The following PCDH15 variants were observed in gnomAD, a reference collection of about 807,000 sequenced individuals.
PCDH15 encodes protocadherin related 15.
In PCDH15, 129 loss-of-function variants were observed where a neutral mutation model predicts 178.5. The observed-to-expected ratio is 0.72, with a 90% CI of 0.63 to 0.84. PCDH15 has a LOEUF of 0.84. Among genes scored for constraint, PCDH15 ranks in the 40% least tolerant of loss-of-function variants. The pLI, the probability that PCDH15 is intolerant of heterozygous loss-of-function variation, is 0.00. For missense variants in PCDH15, 2,230 were observed against 2,099.9 expected, an observed-to-expected ratio of 1.06 and a Z score of -1.21; for synonymous variants, 800 against 732.0, an observed-to-expected ratio of 1.09 and a Z score of -1.50.
chr10:54,576,959 C>G lies in PCDH15; in HGVS notation c.92-49082G>C, dbSNP rs1007508457. On this transcript the variant is annotated intron_variant, in intron 2 of 37. Transcript: ENST00000644397. ...AAGACCACCAAGTTATTTTTTTTTA[C>G]TGGAAGTCTTTATGCAAAGATAGAG... is the stretch of plus-strand genomic sequence containing the variant. Among the ~76,000 whole-genome samples the G allele has an allele frequency of 2.6e-5, 4 of 151,588 alleles. No individual in the cohort carries two copies. In the East Asian group the frequency reaches 7.8e-4, roughly 29 times the overall value.
At chr10:55,469,485 A>G (rs1219352293) in intron 2 of PCDH15, among the ~76,000 whole-genome samples, 1 of 152,102 alleles carries the variant, frequency 6.6e-6, no homozygotes, top group Non-Finnish European at 1.5e-5. Flanking sequence ...CCTTGCCAGT[A>G]TGTTAGAATT....
chr10:54,797,873 G>A (rs568575072), intron 1 of PCDH15, among the ~76,000 whole-genome samples: 13 of 152,006 alleles, frequency 8.6e-5, no homozygotes, highest in Non-Finnish European at 1.3e-4. Context: ...AGTCATACTC[G>A]TCTACATATT....
At chr10:54,392,075 T>C (rs185295102) in intron 3 of PCDH15, among the ~76,000 whole-genome samples, 3 of 152,290 alleles carry the variant, frequency 2.0e-5, no homozygotes, top group Non-Finnish European at 2.9e-5. Flanking sequence ...CTTTTAGTTA[T>C]ATAATTTGCT....
intron 2 of PCDH15, among the ~76,000 whole-genome samples, chr10:55,423,305 C>T (rs548851768): frequency 2.2e-4 from 33 of 151,874 alleles, no homozygotes; most frequent in Middle Eastern, 3.4e-3. Context: ...CAGAATTCCT[C>T]GAAGTAGGAT....
intron 2 of PCDH15, among the ~76,000 whole-genome samples, chr10:55,038,628 A>C (rs1336407355): frequency 2.0e-5 from 3 of 152,208 alleles, no homozygotes; most frequent in African/African-American, 7.2e-5. Flanking sequence ...TAACCATTTG[A>C]GTTATCAAGA....
intron 18 of PCDH15, among the ~76,000 whole-genome samples, chr10:54,039,859 C>T (rs10825205): frequency 0.6 from 90,597 of 151,628 alleles, 29,777 homozygotes; most frequent in Middle Eastern, 0.76. Context: ...AGTTTTCAAA[C>T]CTGCTGAAGA....
intron 2 of PCDH15, among the ~76,000 whole-genome samples, chr10:55,510,549 A>G (rs1423926819): frequency 6.6e-6 from 1 of 151,998 alleles, no homozygotes; most frequent in Non-Finnish European, 1.5e-5. Context: ...CCATCTTCTT[A>G]CTGGAAGATT....
intron 27 of PCDH15, among the ~76,000 whole-genome samples, chr10:53,865,642 T>C (rs568680307): frequency 8.5e-4 from 129 of 152,312 alleles, no homozygotes; most frequent in African/African-American, 2.8e-3. Flanking sequence ...AGAGTGGCCT[T>C]CATTTACTCT....
At chr10:55,109,721 T>G (rs2132054571) in intron 2 of PCDH15, among the ~76,000 whole-genome samples, 1 of 152,172 alleles carries the variant, frequency 6.6e-6, no homozygotes, top group African/African-American at 2.4e-5. Flanking sequence ...TATGTTGAAG[T>G]TACTCCTATT....
intron 3 of PCDH15, among the ~76,000 whole-genome samples, chr10:54,394,695 T>C (rs1259787227): frequency 6.6e-6 from 1 of 152,094 alleles, no homozygotes; most frequent in African/African-American, 2.4e-5. Flanking sequence ...CTGACCAAAA[T>C]TTATTAGGCA....
chr10:54,002,147 T>TAC (rs930245066), intron 20 of PCDH15, among the ~76,000 whole-genome samples: 1 of 151,142 alleles, frequency 6.6e-6, no homozygotes, highest in Non-Finnish European at 1.5e-5. Context: ...TATATACACA[T>TAC]ACACACACAC....
In PCDH15 at chr10:54,752,497, AACAAAAAAC is replaced by A. The variant is rs1566127700; in HGVS notation, c.-29+48419_-29+48427del. ...GTCTCAAAAAAAAAAAAAAACAAAAAACAAAAAACAAAAAACAAACAAACAAACAAACAA... is the reference window on the plus strand; with the variant it reads ...GTCTCAAAAAAAAAAAAAAACAAAAAAAAAAACAAACAAACAAACAAACAA... On this transcript the variant is annotated intron_variant, in intron 1 of 37. Coordinates refer to ENST00000644397, the MANE Select transcript of PCDH15 (RefSeq NM_001384140.1). 3.4e-3 allele frequency among the ~76,000 whole-genome samples: 322 copies of A among 95,856 alleles called. 32 individuals carry two copies. The highest frequency in any genetic ancestry group is 4.6e-3 in the Non-Finnish European group (201 of 44,152). 62.9% of individuals were successfully genotyped at this position (95,856 alleles called of 152,430 possible). A position where few individuals can be genotyped will look rare whatever the true frequency, so the allele number is the denominator to read the frequency against.
At chr10:54,472,628 G>T (rs1377438452) in intron 3 of PCDH15, among the ~76,000 whole-genome samples, 1 of 152,094 alleles carries the variant, frequency 6.6e-6, no homozygotes, top group Non-Finnish European at 1.5e-5. Flanking sequence ...ACATATAAGA[G>T]ACACAAATCC....
chr10:54,806,038 A>G (rs892231605), upstream of PCDH15, among the ~76,000 whole-genome samples: 5 of 152,166 alleles, frequency 3.3e-5, no homozygotes, highest in Non-Finnish European at 7.4e-5. Flanking sequence ...GAAACCTGGA[A>G]AATAAAACTA....
intron 5 of PCDH15, among the ~76,000 whole-genome samples, chr10:54,360,066 C>A (rs1945751997): frequency 2.0e-5 from 3 of 152,116 alleles, no homozygotes; most frequent in Non-Finnish European, 1.5e-5. Flanking sequence ...GAAACTGATG[C>A]TCCCAGTTCT....
chr10:55,537,310 T>C (rs1244079259), intron 2 of PCDH15, among the ~76,000 whole-genome samples: 1 of 152,200 alleles, frequency 6.6e-6, no homozygotes. Flanking sequence ...CCATCATTTT[T>C]TGCTCTTGCT....
intron 2 of PCDH15, among the ~76,000 whole-genome samples, chr10:55,048,224 C>T (rs1010282442): frequency 1.3e-5 from 2 of 151,784 alleles, no homozygotes; most frequent in Admixed American, 6.6e-5. Context: ...AAACTTTCAA[C>T]CTGACTTCTG....
At chr10:54,225,234 T>C (rs2053302802) in intron 9 of PCDH15, among the ~76,000 whole-genome samples, 1 of 152,170 alleles carries the variant, frequency 6.6e-6, no homozygotes. Flanking sequence ...TTGAACAATC[T>C]CACTGAATTC....
chr10:54,097,494 T>A (rs1241677682), intron 15 of PCDH15, among the ~76,000 whole-genome samples: 1 of 152,180 alleles, frequency 6.6e-6, no homozygotes, highest in African/African-American at 2.4e-5. Flanking sequence ...AATTGTATTT[T>A]CCCATGCACT....
Sources: gnomAD v4.1 joint callset for allele counts (sites outside exome capture counted in the v4.1 genomes callset) on GRCh38, gnomAD v4.1.1 for gene constraint, MANE v1.5 for transcripts, NCBI Gene and HGNC (gene_info 2026-07-23, HGNC 2026-07-21) for gene names.